RAB11FIP5: variants seen among roughly 807,000 people sequenced by gnomAD.
RAB11FIP5 encodes the protein rab11 family-interacting protein 5.
In RAB11FIP5, 48 loss-of-function variants were observed where a neutral mutation model predicts 85.1. The observed-to-expected ratio is 0.56, with a 90% CI of 0.45 to 0.72. The LOEUF is 0.72. Ranked by LOEUF, RAB11FIP5 falls within the 30% of genes least tolerant of loss-of-function variation. The probability of loss-of-function intolerance (pLI) is 0.00; values close to 1 mark genes in which losing one functional copy is unlikely to be tolerated. For synonymous variants in RAB11FIP5, 729 were observed against 727.3 expected (o/e 1.00, Z -0.04); for missense variants, 1,491 against 1,687.0 (o/e 0.88, Z 2.04).
At chr2:73,090,924 T>C (rs947096887) in intron 1 of RAB11FIP5, among the ~76,000 whole-genome samples, 2 of 152,168 alleles carry the variant, frequency 1.3e-5, no homozygotes, top group Non-Finnish European at 1.5e-5. Flanking sequence ...GGCTCTCAAA[T>C]ACAACAAACA....
chr2:73,077,664 C>G (rs556579111), intron 4 of RAB11FIP5, among the ~76,000 whole-genome samples: 2 of 152,352 alleles, frequency 1.3e-5, no homozygotes, highest in South Asian at 4.1e-4. Context: ...CCCTTCCTCC[C>G]GTTGGCTCAC....
intron 1 of RAB11FIP5, among the ~76,000 whole-genome samples, chr2:73,096,404 AC>A (rs1684320686): frequency 6.6e-6 from 1 of 152,158 alleles, no homozygotes; most frequent in African/African-American, 2.4e-5. Context: ...CCAGTCAGAG[AC>A]AGACAGGGGT....
chr2:73,093,779 C>T (rs1239429232), intron 1 of RAB11FIP5, among the ~76,000 whole-genome samples: 1 of 152,212 alleles, frequency 6.6e-6, no homozygotes, highest in Non-Finnish European at 1.5e-5. Flanking sequence ...TCCCTGACGC[C>T]GATCGCTCTG....
At chr2:73,077,793 A>G (rs965210523) in intron 4 of RAB11FIP5, among the ~76,000 whole-genome samples, 2 of 152,214 alleles carry the variant, frequency 1.3e-5, no homozygotes, top group African/African-American at 2.4e-5. Context: ...ACAGGTACAT[A>G]AACTATAACA....
rs762060924 is a variant in RAB11FIP5 at position 73,089,802 on chromosome 2, G to A, written c.432-487C>T. 7.9e-6 allele frequency: 2 copies of A among 251,696 alleles called. No homozygotes were observed. Among genetic ancestry groups the A allele is most frequent in the Admixed American group, 5.2e-5 (1 of 19,336 alleles). The allele number at this position is 251,696 out of a possible 1,614,324, so 15.6% of individuals were successfully genotyped here. ...AGCCAAAGCTCTGCTCCCAGCCACC[G>A]TGAGCCCAGGAAAGAACAGCTCACC... On this transcript the variant is annotated intron_variant, in intron 1 of 5. Coordinates refer to ENST00000486777, the MANE Select transcript of RAB11FIP5 (RefSeq NM_001371272.1). This position sits in a 1 kb window ranked among gnomAD's most constrained non-coding sequence, Gnocchi z 4.6.
rs1040664744 is a variant in RAB11FIP5 at position 73,079,000 on chromosome 2, G to A, written c.3581+651C>T. On this transcript the variant is annotated intron_variant, in intron 4 of 5. Transcript: ENST00000486777. This position sits in a 1 kb window ranked among gnomAD's most constrained non-coding sequence, Gnocchi z 4.4. ...GTGCATCAGAACCACCCCTTAAAAGGCACCAAACGCAAACCAATGAAGCAA... is the reference window on the plus strand; with the variant it reads ...GTGCATCAGAACCACCCCTTAAAAGACACCAAACGCAAACCAATGAAGCAA... Among the ~76,000 whole-genome samples, 1 of 152,158 alleles carries A rather than the reference G, an allele frequency of 6.6e-6. No individual in the cohort carries two copies. The highest frequency in any genetic ancestry group is 1.5e-5 in the Non-Finnish European group (1 of 68,018).
intron 1 of RAB11FIP5, among the ~76,000 whole-genome samples, chr2:73,098,605 C>T (rs76814801): frequency 0.044 from 6,757 of 152,142 alleles, 228 homozygotes; most frequent in Middle Eastern, 0.085. Flanking sequence ...CCTCCAGAGC[C>T]CCCGACCTTG....
At chr2:73,095,938 A>C (rs1053768788) in intron 1 of RAB11FIP5, among the ~76,000 whole-genome samples, 3 of 152,170 alleles carry the variant, frequency 2.0e-5, no homozygotes, top group African/African-American at 7.2e-5. Flanking sequence ...TCCTGTCCTT[A>C]GCCCCTCAAA....
intron 2 of RAB11FIP5, 33 bp from the exon 3 acceptor site, chr2:73,088,782 G>T (rs1684146582): frequency 1.9e-6 from 3 of 1,546,694 alleles, no homozygotes; most frequent in Non-Finnish European, 8.7e-7. Flanking sequence ...TAGCTCGCAG[G>T]AAGAGAGGCC....
chr2:73,092,669 C>T (rs564340604), intron 1 of RAB11FIP5, among the ~76,000 whole-genome samples: 25 of 152,302 alleles, frequency 1.6e-4, no homozygotes, highest in African/African-American at 6.0e-4. Context: ...CCAGCCCTCC[C>T]CCACAGGGAA....
In RAB11FIP5 at chr2:73,088,577, C is replaced by A; in HGVS notation, c.1041G>T (p.Glu347Asp). ...CVNGSHIYNE[E>D]PQGPVRHRSS... ...TGCGGTGCCGCACAGGGCCCTGGGG[C>A]TCCTCATTGTAAATGTGGCTCCCAT... is the stretch of plus-strand genomic sequence containing the variant. Residue 347 changes from glutamate (E) to aspartate (D), a missense_variant, in exon 3 of 6, where the codon GAG (glutamate) becomes GAT (aspartate). By Grantham distance (45) the Glu-to-Asp change is conservative. Transcript: ENST00000486777. The A allele has an allele frequency of 6.2e-7, 1 of 1,613,806 alleles. No individual in the cohort carries two copies. The highest frequency in any genetic ancestry group is 1.1e-5 in the South Asian group (1 of 91,086).
rs1423194816 is a variant in RAB11FIP5, at chr2:73,080,012, G to A, written c.3220C>T (p.Pro1074Ser). Reference sequence around the variant, plus strand: ...GGGGATGCAGATGAGAGGCTGGGAGGATCTCGGCTCCCCTGAAACAAGAAG... The same window carrying A: ...GGGGATGCAGATGAGAGGCTGGGAGAATCTCGGCTCCCCTGAAACAAGAAG... ...NPFLFQGSRDPPSLSSASPPG... is the reference protein window; with the variant it reads ...NPFLFQGSRDSPSLSSASPPG... The change falls in exon 4 of 6, where the codon CCT becomes TCT. Residue 1074 changes from proline (P) to serine (S), a missense_variant. Physicochemically the swap from Pro to Ser is moderately conservative, Grantham distance 74. Around this residue, in one of 3 missense-constraint regions of RAB11FIP5, gnomAD observed 48 missense variants for 89.9 expected, o/e 0.53. Transcript: ENST00000486777. 2 of 1,232,118 alleles carry A rather than the reference G, an allele frequency of 1.6e-6. No individual in the cohort carries two copies. Among genetic ancestry groups the A allele is most frequent in the African/African-American group, 3.1e-5 (2 of 64,386 alleles). 76.3% of individuals were successfully genotyped at this position (1,232,118 alleles called of 1,614,324 possible).
intron 1 of RAB11FIP5, among the ~76,000 whole-genome samples, 185 bp downstream of exon 1, chr2:73,112,162 C>T (rs1684670450): frequency 6.6e-6 from 1 of 152,248 alleles, no homozygotes; most frequent in Admixed American, 6.5e-5. Context: ...GAGCCCCACA[C>T]AGCGCACGTT....
intron 1 of RAB11FIP5, among the ~76,000 whole-genome samples, chr2:73,106,443 G>A (rs935007243): frequency 3.3e-5 from 5 of 152,208 alleles, no homozygotes; most frequent in African/African-American, 1.2e-4. Context: ...CACAGCACTT[G>A]GCTATAGGGC....
chr2:73,090,160 A>AAGGAACCC (rs1684182552), intron 1 of RAB11FIP5, among the ~76,000 whole-genome samples: 1 of 152,136 alleles, frequency 6.6e-6, no homozygotes, highest in Non-Finnish European at 1.5e-5. Flanking sequence ...CTCAGTGGTA[A>AAGGAACCC]AGGAACCCAT....
In RAB11FIP5 at chr2:73,080,244, G is replaced by C; in HGVS notation, c.2988C>G (p.Ser996Arg). ...GTATGGGGGCAGGACCCTCAGGGCA[G>C]CTGGCGGGTGCAGACAGGCAGGGCC... ...VSGPCLSAPA[S>R]CPEGPAPIPC... Residue 996 changes from serine to arginine, a missense_variant, in exon 4 of 6, where the codon AGC becomes AGG. Physicochemically the swap from Ser to Arg is moderately radical, Grantham distance 110 (BLOSUM62 -1). Transcript: ENST00000486777. The C allele has an allele frequency of 8.1e-7, 1 of 1,232,804 alleles. No individual in the cohort carries two copies. The highest frequency in any genetic ancestry group is 1.0e-6 in the Non-Finnish European group (1 of 988,542). The allele number at this position is 1,232,804 out of a possible 1,614,324, so 76.4% of individuals were successfully genotyped here. A position where few individuals can be genotyped will look rare whatever the true frequency, so the allele number is the denominator to read the frequency against.
chr2:73,075,258 C>CAATT lies in RAB11FIP5; in HGVS notation c.*262_*263insAATT. ...GGAAGAGTTCCAATTCCCTGGGGCC[C>CAATT]CCAAAGCTGAGGGATATGAAAACAG... On this transcript the variant is annotated 3_prime_UTR_variant, in exon 6 of 6. Coordinates refer to ENST00000486777, the MANE Select transcript of RAB11FIP5 (RefSeq NM_001371272.1). This position sits in a 1 kb window ranked among gnomAD's most constrained non-coding sequence, Gnocchi z 4.6. The CAATT allele has an allele frequency of 7.2e-6, 5 of 692,764 alleles. No homozygotes were observed. The South Asian group carries it at 7.5e-5, about 10-fold the overall frequency. The allele number at this position is 692,764 out of a possible 1,614,324, so 42.9% of individuals were successfully genotyped here.
intron 3 of RAB11FIP5, among the ~76,000 whole-genome samples, 196 bp downstream of exon 3, chr2:73,087,854 C>T (rs1684118185): frequency 6.6e-6 from 1 of 152,142 alleles, no homozygotes; most frequent in Non-Finnish European, 1.5e-5. Flanking sequence ...AGCACTATGC[C>T]CTCGTAACTC....
intron 1 of RAB11FIP5, among the ~76,000 whole-genome samples, chr2:73,099,923 C>A (rs754446828): frequency 6.6e-6 from 1 of 152,202 alleles, no homozygotes. Context: ...GGACAAGGAG[C>A]CTGCAAAGCT....
Sources: gnomAD v4.1 joint callset for allele counts (sites outside exome capture counted in the v4.1 genomes callset) on GRCh38, gnomAD v4.1.1 for gene constraint, gnomAD v4.1.1 regional missense constraint, Gnocchi (gnomAD v3.1) non-coding constraint, MANE v1.5 for transcripts, NCBI Gene and HGNC (gene_info 2026-07-23, HGNC 2026-07-21) for gene names.